OR9I1: variants seen among roughly 807,000 people sequenced by gnomAD.
The protein encoded by OR9I1 is olfactory receptor family 9 subfamily I member 1, also known as olfactory receptor 9I1.
A neutral mutation model predicts 11.2 loss-of-function variants in OR9I1; 7 were observed. The ratio of observed to expected loss-of-function variants is 0.62; its 90% CI spans 0.36 to 1.17. The LOEUF (loss-of-function observed/expected upper bound fraction) is 1.17, where lower values mean the gene tolerates loss of function less well. OR9I1 is among the 50% of genes most tolerant of loss of function. OR9I1 has a pLI of 0.02. For missense variants in OR9I1, 428 were observed against 377.2 expected, an observed-to-expected ratio of 1.13 and a Z score of -1.12; for synonymous variants, 165 against 153.4, an observed-to-expected ratio of 1.08 and a Z score of -0.56.
intron 2 of OR9I1, among the ~76,000 whole-genome samples, chr11:58,119,883 C>T (rs978267389): frequency 1.3e-5 from 2 of 152,072 alleles, no homozygotes; most frequent in Non-Finnish European, 2.9e-5. Context: ...CCTTCTGTAC[C>T]TTTCACACAC....
rs538693477 is a variant in OR9I1 at position 58,117,735 on chromosome 11, G to A, written c.*765C>T. 6.6e-6 allele frequency: 1 copy of A among 152,274 alleles called. No homozygotes were observed. Among genetic ancestry groups the A allele is most frequent in the African/African-American group, 2.4e-5 (1 of 41,554 alleles). 9.4% of individuals were successfully genotyped at this position (152,274 alleles called of 1,614,324 possible). On this transcript the variant is annotated 3_prime_UTR_variant, in exon 3 of 3. Coordinates refer to ENST00000641439, the MANE Select transcript of OR9I1 (RefSeq NM_001005211.2). ...GAGACACGCAATAGGGTGAGGAGGA[G>A]AAGCAATGTACCATGGCCTTCAGAA... is the stretch of plus-strand genomic sequence containing the variant.
chr11:58,118,578 G>A lies in OR9I1; in HGVS notation c.867C>T (p.Ile289=), dbSNP rs772931722. The A allele has an allele frequency of 6.2e-7, 1 of 1,613,998 alleles. No homozygotes were observed. The highest frequency in any genetic ancestry group is 1.1e-5 in the South Asian group (1 of 91,062). ...TTACATCTTTGTTTCTTAAGCTGTAGATCAGAGGGTTCAGCATGGGGATGA... is the reference window on the plus strand; with the variant it reads ...TTACATCTTTGTTTCTTAAGCTGTAAATCAGAGGGTTCAGCATGGGGATGA... ...TVVIPMLNPL[I]YSLRNKDVKD... The change falls in exon 3 of 3, where the codon ATC becomes ATT. Residue 289 remains isoleucine, a synonymous_variant. Transcript: ENST00000641439.
intron 2 of OR9I1, among the ~76,000 whole-genome samples, chr11:58,123,706 T>C (rs1338997626): frequency 2.0e-5 from 3 of 152,204 alleles, no homozygotes; most frequent in Non-Finnish European, 2.9e-5. Flanking sequence ...AAATTCTGTA[T>C]TCTTTCCATC....
intron 2 of OR9I1, among the ~76,000 whole-genome samples, chr11:58,123,034 G>C (rs947348143): frequency 6.6e-6 from 1 of 151,564 alleles, no homozygotes; most frequent in African/African-American, 2.4e-5. Flanking sequence ...AATTCTACTA[G>C]AGACTGTGAG....
intron 2 of OR9I1, among the ~76,000 whole-genome samples, chr11:58,121,648 A>C (rs1235673680): frequency 6.6e-6 from 1 of 152,188 alleles, no homozygotes; most frequent in South Asian, 2.1e-4. Flanking sequence ...GGAATCTGCC[A>C]ATTCAGAGTC....
In OR9I1 at chr11:58,119,241, C is replaced by T; in HGVS notation, c.204G>A (p.Leu68=). Residue 68 remains leucine (L), a synonymous_variant, in exon 3 of 3, where the codon CTG becomes CTA. Transcript: ENST00000641439. Reference sequence around the variant, plus strand: ...TGACTGAGGTGTAACAGGCATCCAGCAGGGAGAGGTGGCTCAGGAAGAAGT... The same window carrying T: ...TGACTGAGGTGTAACAGGCATCCAGTAGGGAGAGGTGGCTCAGGAAGAAGT... ...PMYFFLSHLS[L]LDACYTSVIT... 1 of 1,613,876 alleles carries T rather than the reference C, an allele frequency of 6.2e-7. No homozygotes were observed. The highest frequency in any genetic ancestry group is 1.3e-5 in the African/African-American group (1 of 75,042).
At position 58,118,491 on chromosome 11, in the gene OR9I1, T is replaced by A; in HGVS notation, c.*9A>T. 6.4e-7 allele frequency: 1 copy of A among 1,551,804 alleles called. No individual in the cohort carries two copies. Among genetic ancestry groups the A allele is most frequent in the East Asian group, 2.2e-5 (1 of 44,470 alleles). ...AGTGGACTAAAACAAGAATTCCTCT[T>A]ACTTAGATCTACATGCTCAGGGACA... On this transcript the variant is annotated 3_prime_UTR_variant, in exon 3 of 3. Coordinates refer to ENST00000641439, the MANE Select transcript of OR9I1 (RefSeq NM_001005211.2).
Position 58,119,456 on chromosome 11 carries a change from G to A in OR9I1, c.-12C>T, listed in dbSNP as rs750379845. On this transcript the variant is annotated 5_prime_UTR_variant, in exon 3 of 3. Transcript: ENST00000641439. The stretch of plus-strand genomic sequence containing the variant: ...TTATTCTTGGCCATGGAGACAATGT[G>A]GACTGTTGGTCTGAGGATGATAATG... The A allele has an allele frequency of 1.8e-5, 27 of 1,501,132 alleles. No individual in the cohort carries two copies. The East Asian group carries it at 4.1e-4, about 23-fold the overall frequency. The allele number at this position is 1,501,132 out of a possible 1,614,324, so 93.0% of individuals were successfully genotyped here.
In OR9I1 at chr11:58,119,394, A is replaced by T; in HGVS notation, c.51T>A (p.Phe17Leu). The change falls in exon 3 of 3, where the codon TTT becomes TTA. Residue 17 changes from phenylalanine (F) to leucine (L), a missense_variant. By Grantham distance (22) the Phe-to-Leu change is conservative (BLOSUM62 0). Coordinates refer to ENST00000641439, the MANE Select transcript of OR9I1 (RefSeq NM_001005211.2). The stretch of plus-strand genomic sequence containing the variant: ...GAATCTCCAATTTGGGGTGGTCCAT[A>T]AAGCCCATGAGAATGAATTCGGTTA... ...TRVTEFILMG[F>L]MDHPKLEIPL... 6.2e-7 allele frequency: 1 copy of T among 1,613,808 alleles called. No individual in the cohort carries two copies. Among genetic ancestry groups the T allele is most frequent in the Non-Finnish European group, 8.5e-7 (1 of 1,179,774 alleles).
At chr11:58,125,246 C>CG (rs1357492542) in intron 1 of OR9I1, 28 bp downstream of exon 1, 4 of 121,192 alleles carry the variant, frequency 3.3e-5, no homozygotes, top group African/African-American at 6.5e-5. Flanking sequence ...ACCGCCCCCC[C>CG]CCCAAAAAAA....
rs992587413 is a variant in OR9I1, at chr11:58,118,951, G to C, written c.494C>G (p.Thr165Ser). ...TTGATTGTCCTTACAGAAGGAGAGG[G>C]TGAAGGTGCAAGTGGTACGCAGGAT... is the stretch of plus-strand genomic sequence containing the variant. The part of the protein sequence containing the change: ...GAILRTTCTF[T>S]LSFCKDNQIN... Residue 165 changes from threonine (T) to serine (S), a missense_variant, in exon 3 of 3, where the codon ACC becomes AGC. By Grantham distance (58) the Thr-to-Ser change is moderately conservative. Transcript: ENST00000641439. 2.5e-6 allele frequency: 4 copies of C among 1,613,866 alleles called. No homozygotes were observed. In the African/African-American group the frequency reaches 5.3e-5, roughly 22 times the overall value.
rs766627351 is a variant in OR9I1, at chr11:58,119,212, G to T, written c.233C>A (p.Thr78Asn). Residue 78 changes from threonine to asparagine, a missense_variant, in exon 3 of 3, where the codon ACC (threonine) becomes AAC (asparagine). Transcript: ENST00000641439. ...LLDACYTSVI[T>N]PQILATLATG... is the part of the protein sequence containing the mutation. ...GGCCAATGTGGCTAGGATCTGAGGG[G>T]TGATGACTGAGGTGTAACAGGCATC... is the stretch of plus-strand genomic sequence containing the variant. 3 of 1,613,806 alleles carry T rather than the reference G, an allele frequency of 1.9e-6. No individual in the cohort carries two copies. The Admixed American group carries it at 5.0e-5, about 27-fold the overall frequency.
At position 58,119,071 on chromosome 11, in the gene OR9I1, G is replaced by A. The variant is rs748178241; in HGVS notation, c.374C>T (p.Ala125Val). The part of the protein sequence containing the change: ...LAVMAYDRYA[A>V]IRNPLLYTVA... Reference sequence around the variant, plus strand: ...GGTATAGAGCAGTGGGTTGCGAATGGCAGCATAGCGATCATAGGCCATCAC... The same window carrying A: ...GGTATAGAGCAGTGGGTTGCGAATGACAGCATAGCGATCATAGGCCATCAC... Residue 125 changes from alanine (A) to valine (V), a missense_variant, in exon 3 of 3, where the codon GCC (alanine) becomes GTC (valine). Coordinates refer to ENST00000641439, the MANE Select transcript of OR9I1 (RefSeq NM_001005211.2). The A allele has an allele frequency of 6.2e-7, 1 of 1,613,990 alleles. No individual in the cohort carries two copies. The highest frequency in any genetic ancestry group is 8.5e-7 in the Non-Finnish European group (1 of 1,179,982).
At position 58,118,266 on chromosome 11, in the gene OR9I1, A is replaced by G; in HGVS notation, c.*234T>C. 1 of 403,762 alleles carries G rather than the reference A, an allele frequency of 2.5e-6. No homozygotes were observed. The highest frequency in any genetic ancestry group is 4.4e-6 in the Non-Finnish European group (1 of 226,750). 25.0% of individuals were successfully genotyped at this position (403,762 alleles called of 1,614,324 possible). A position where few individuals can be genotyped will look rare whatever the true frequency, so the allele number is the denominator to read the frequency against. On this transcript the variant is annotated 3_prime_UTR_variant, in exon 3 of 3. Coordinates refer to ENST00000641439, the MANE Select transcript of OR9I1 (RefSeq NM_001005211.2). ...AGTTGTGACATTAGAGAATATTAAG[A>G]GACTGCCCAGTGCTAAGGAATGGAT...
Position 58,118,049 on chromosome 11 carries a change from C to T in OR9I1, c.*451G>A, listed in dbSNP as rs1216824480. On this transcript the variant is annotated 3_prime_UTR_variant, in exon 3 of 3. Transcript: ENST00000641439. ...CTGCTTAGTGAGGTGATCAGTCCTT[C>T]ATATTAAAAGAAAAAAAGGCCAATT... 6.5e-6 allele frequency: 1 copy of T among 154,042 alleles called. No individual in the cohort carries two copies. Among genetic ancestry groups the T allele is most frequent in the Non-Finnish European group, 1.4e-5 (1 of 69,556 alleles). 9.5% of individuals were successfully genotyped at this position (154,042 alleles called of 1,614,324 possible).
In OR9I1 at chr11:58,118,607, C is replaced by T. The variant is rs753901062; in HGVS notation, c.838G>A (p.Val280Met). The T allele has an allele frequency of 1.2e-6, 2 of 1,614,026 alleles. No homozygotes were observed. Among genetic ancestry groups the T allele is most frequent in the African/African-American group, 1.3e-5 (1 of 75,036 alleles). The change falls in exon 3 of 3, where the codon GTG (valine) becomes ATG (methionine). Residue 280 changes from valine to methionine, a missense_variant. Val to Met is a conservative substitution (Grantham distance 21, BLOSUM62 1). Coordinates refer to ENST00000641439, the MANE Select transcript of OR9I1 (RefSeq NM_001005211.2). ...AGAGGGTTCAGCATGGGGATGACCA[C>T]TGTATAGAAGACAGACACGACTTTG... ...EDKVVSVFYT[V>M]VIPMLNPLIY...
Position 58,118,692 on chromosome 11 carries a change from G to A in OR9I1, c.753C>T (p.Phe251=), listed in dbSNP as rs773458622. Reference sequence around the variant, plus strand: ...GATACATGAAGATAAGGGCTCCAAAGAAAAGGGCCACAGCAGTGATGTGAG... The same window carrying A: ...GATACATGAAGATAAGGGCTCCAAAAAAAAGGGCCACAGCAGTGATGTGAG... ...CASHITAVAL[F]FGALIFMYLQ... is the part of the protein sequence containing the mutation. The change falls in exon 3 of 3, where the codon TTC becomes TTT. Residue 251 remains phenylalanine, a synonymous_variant. Transcript: ENST00000641439. 1.9e-6 allele frequency: 3 copies of A among 1,614,096 alleles called. No homozygotes were observed. Among genetic ancestry groups the A allele is most frequent in the Non-Finnish European group, 2.5e-6 (3 of 1,179,982 alleles).
At chr11:58,123,177 AG>A (rs1221491693) in intron 2 of OR9I1, among the ~76,000 whole-genome samples, 1 of 152,234 alleles carries the variant, frequency 6.6e-6, no homozygotes, top group African/African-American at 2.4e-5. Flanking sequence ...AAGTAGAAGC[AG>A]AAGAGTTAGT....
chr11:58,117,285 C>T lies in OR9I1; in HGVS notation c.*1215G>A, dbSNP rs139710577. ...AGGTCTGCAAAATTAAATCATTTAC[C>T]CAAAGTCTCATAATAAATCAGTGGT... On this transcript the variant is annotated 3_prime_UTR_variant, in exon 3 of 3. Transcript: ENST00000641439. 5.9e-5 allele frequency: 9 copies of T among 151,884 alleles called. No individual in the cohort carries two copies. Among genetic ancestry groups the T allele is most frequent in the African/African-American group, 2.2e-4 (9 of 41,340 alleles). The allele number at this position is 151,884 out of a possible 1,614,324, so 9.4% of individuals were successfully genotyped here.
Sources: allele counts gnomAD v4.1 joint callset (sites outside exome capture counted in the v4.1 genomes callset), GRCh38; gene constraint gnomAD v4.1.1; transcripts MANE v1.5; gene names NCBI Gene and HGNC (gene_info 2026-07-23, HGNC 2026-07-21).